FAM151A: variants seen among roughly 807,000 people sequenced by gnomAD.
The protein encoded by FAM151A is family with sequence similarity 151 member A.
In FAM151A, 41 loss-of-function variants were observed where a neutral mutation model predicts 40.4. That is an observed-to-expected ratio of 1.01 (90% confidence interval 0.79 to 1.32). FAM151A has a LOEUF of 1.32. Among genes scored for constraint, FAM151A ranks in the 40% most tolerant of loss-of-function variants. The pLI is 0.00. For synonymous variants in FAM151A, 337 were observed against 312.5 expected (o/e 1.08, Z -0.83); for missense variants, 740 against 740.4 (o/e 1.00, Z 0.01).
chr1:54,609,720 G>T lies in FAM151A; in HGVS notation c.1306C>A (p.Leu436Ile). Residue 436 changes from leucine (L) to isoleucine (I), a missense_variant, in exon 8 of 8, where the codon CTC becomes ATC. Coordinates refer to ENST00000302250, the MANE Select transcript of FAM151A (RefSeq NM_176782.3). ...ALLARLSSLG[L>I]LHWPVWVGAK... Reference sequence around the variant, plus strand: ...CCAACCCACACAGGCCAATGCAAGAGGCCAAGGCTGGAGAGGCGTGCCAGC... The same window carrying T: ...CCAACCCACACAGGCCAATGCAAGATGCCAAGGCTGGAGAGGCGTGCCAGC... 1.9e-6 allele frequency: 3 copies of T among 1,614,142 alleles called. No individual in the cohort carries two copies. Among genetic ancestry groups the T allele is most frequent in the Non-Finnish European group, 2.5e-6 (3 of 1,180,016 alleles).
rs1644117307 is a variant in FAM151A, at chr1:54,611,458, G to A, written c.940+148C>T. 7 of 701,318 alleles carry A rather than the reference G, an allele frequency of 1.0e-5. No individual in the cohort carries two copies. In the Admixed American group the frequency reaches 1.7e-4, roughly 17 times the overall value. 43.4% of individuals were successfully genotyped at this position (701,318 alleles called of 1,614,324 possible). A position where few individuals can be genotyped will look rare whatever the true frequency, so the allele number is the denominator to read the frequency against. Reference sequence around the variant, plus strand: ...TTGAAGCTTAGCATACCATCCCAGGGCCTGGCACACAAAATGCAGCCGCCT... The same window carrying A: ...TTGAAGCTTAGCATACCATCCCAGGACCTGGCACACAAAATGCAGCCGCCT... On this transcript the variant is annotated intron_variant, in intron 6 of 7. Transcript: ENST00000302250.
intron 6 of FAM151A, 124 bp from the exon 7 acceptor site, chr1:54,610,679 A>G: frequency 1.4e-6 from 2 of 1,437,972 alleles, no homozygotes; most frequent in Non-Finnish European, 1.8e-6. Flanking sequence ...CACCCTGCCA[A>G]GTAGCTCTCA....
intron 1 of FAM151A, among the ~76,000 whole-genome samples, chr1:54,622,302 C>T (rs1479963627): frequency 1.4e-5 from 2 of 142,006 alleles, no homozygotes; most frequent in Non-Finnish European, 3.0e-5. Flanking sequence ...AAAAAAAGGC[C>T]AGGTATGGTG....
Position 54,609,745 on chromosome 1 carries a change from C to G in FAM151A, c.1281G>C (p.Leu427Phe), listed in dbSNP as rs755430680. 1.2e-6 allele frequency: 2 copies of G among 1,614,202 alleles called. No individual in the cohort carries two copies. The highest frequency in any genetic ancestry group is 2.2e-5 in the South Asian group (2 of 91,092). ...GGCCAAGGCTGGAGAGGCGTGCCAG[C>G]AAGGCCAGGGATGGCCGGAGGGCTG... Reference protein sequence around the residue: ...EPAALRPSLALLARLSSLGLL... With the variant: ...EPAALRPSLAFLARLSSLGLL... The change falls in exon 8 of 8, where the codon TTG becomes TTC. Residue 427 changes from leucine to phenylalanine, a missense_variant. By Grantham distance (22) the Leu-to-Phe change is conservative. Coordinates refer to ENST00000302250, the MANE Select transcript of FAM151A (RefSeq NM_176782.3).
intron 6 of FAM151A, 76 bp downstream of exon 6, chr1:54,611,530 C>T: frequency 6.6e-7 from 1 of 1,510,812 alleles, no homozygotes; most frequent in Non-Finnish European, 9.1e-7. Context: ...TTCCACCCAG[C>T]TCTGCTCCAG....
At position 54,618,058 on chromosome 1, in the gene FAM151A, G is replaced by T. The variant is rs551527653; in HGVS notation, c.262+1806C>A. Among the ~76,000 whole-genome samples, 213 of 151,674 alleles carry T rather than the reference G, an allele frequency of 1.4e-3. 2 individuals are homozygous for T. The highest frequency in any genetic ancestry group is 4.9e-3 in the African/African-American group (204 of 41,378). ...TCTGCATTTTTAACACACTCCCCAG[G>T]GATGCGCCTGCTGCTGGTCCATGGG... On this transcript the variant is annotated intron_variant, in intron 2 of 7. Transcript: ENST00000302250.
In FAM151A at chr1:54,623,292, G is replaced by T; in HGVS notation, c.104C>A (p.Thr35Asn). The change falls in exon 1 of 8, where the codon ACC becomes AAC. Residue 35 changes from threonine (T) to asparagine (N), a missense_variant. Physicochemically the swap from Thr to Asn is moderately conservative, Grantham distance 65. Transcript: ENST00000302250. ...VVIAAIVLAITLRRPGCELEA... is the reference protein window; with the variant it reads ...VVIAAIVLAINLRRPGCELEA... Reference sequence around the variant, plus strand: ...GAGGCACCTACCTGGCCGCCGCAGGGTGATGGCAAGGACTATTGCGGCAAT... The same window carrying T: ...GAGGCACCTACCTGGCCGCCGCAGGTTGATGGCAAGGACTATTGCGGCAAT... The T allele has an allele frequency of 1.2e-6, 2 of 1,613,866 alleles. No individual in the cohort carries two copies. The highest frequency in any genetic ancestry group is 1.7e-6 in the Non-Finnish European group (2 of 1,179,830).
rs779696331 is a variant in FAM151A at position 54,612,641 on chromosome 1, C to T, written c.645G>A (p.Met215Ile). 9 of 1,613,956 alleles carry T rather than the reference C, an allele frequency of 5.6e-6. No homozygotes were observed. Among genetic ancestry groups the T allele is most frequent in the African/African-American group, 1.3e-5 (1 of 74,912 alleles). ...TLSPGWTTFY[M>I]STSPNRTYTQ... ...TGTACGTCCTGTTTGGGGACGTGGA[C>T]ATGTAGAAGGTGGTCCAGCCTGGAG... The change falls in exon 5 of 8, where the codon ATG becomes ATA. Residue 215 changes from methionine to isoleucine, a missense_variant. Met to Ile is a conservative substitution (Grantham distance 10). Transcript: ENST00000302250.
At position 54,610,514 on chromosome 1, in the gene FAM151A, G is replaced by A; in HGVS notation, c.982C>T (p.Leu328=). Residue 328 remains leucine, a synonymous_variant, in exon 7 of 8, where the codon CTG becomes TTG. Transcript: ENST00000302250. ...RKPMYYTGGS[L]IPLLQLPGDD... The stretch of plus-strand genomic sequence containing the variant: ...CCAGGCAGCTGGAGAAGAGGGATCA[G>A]GCTGCCTCCCGTGTAGTACATTGGT... 4 of 1,613,568 alleles carry A rather than the reference G, an allele frequency of 2.5e-6. No individual in the cohort carries two copies. The highest frequency in any genetic ancestry group is 3.4e-6 in the Non-Finnish European group (4 of 1,179,702).
chr1:54,614,646 A>G (rs1644152165), intron 4 of FAM151A, 54 bp downstream of exon 4: 17 of 1,543,576 alleles, frequency 1.1e-5, no homozygotes, highest in Middle Eastern at 2.2e-4. Flanking sequence ...ATCCTGTGGT[A>G]GGTGTTGACA....
chr1:54,613,217 T>C (rs907396051), intron 4 of FAM151A, among the ~76,000 whole-genome samples: 2 of 151,848 alleles, frequency 1.3e-5, no homozygotes. Flanking sequence ...CTGTCTCTAC[T>C]AAAAATACAA....
rs1339816295 is a variant in FAM151A at position 54,609,624 on chromosome 1, C to G, written c.1402G>C (p.Ala468Pro). Residue 468 changes from alanine (A) to proline (P), a missense_variant, in exon 8 of 8, where the codon GCT becomes CCT. Ala to Pro is a conservative substitution (Grantham distance 27). Coordinates refer to ENST00000302250, the MANE Select transcript of FAM151A (RefSeq NM_176782.3). ...ACAGTCACGTGGGGGAAGACCTCAG[C>G]CACAGCTGTAAGCAGCTCTCTGCCA... ...VAGRELLTAV[A>P]EVFPHVTVAP... The G allele has an allele frequency of 2.5e-6, 4 of 1,613,594 alleles. No individual in the cohort carries two copies. Among genetic ancestry groups the G allele is most frequent in the Non-Finnish European group, 2.5e-6 (3 of 1,180,030 alleles).
rs2101016120 is a variant in FAM151A, at chr1:54,612,534, A to T, written c.752T>A (p.Val251Glu). The change falls in exon 5 of 8, where the codon GTG becomes GAG. Residue 251 changes from valine (V) to glutamate (E), a missense_variant. Val to Glu is a moderately radical substitution (Grantham distance 121). Coordinates refer to ENST00000302250, the MANE Select transcript of FAM151A (RefSeq NM_176782.3). Reference sequence around the variant, plus strand: ...GCTGAAGTGGGGCCAGGCAGCCCGCACCATGGAAGACCGTACAGGGAAGGT... The same window carrying T: ...GCTGAAGTGGGGCCAGGCAGCCCGCTCCATGGAAGACCGTACAGGGAAGGT... ...RVTFPVRSSM[V>E]RAAWPHFSWL... is the part of the protein sequence containing the mutation. 10 of 1,613,964 alleles carry T rather than the reference A, an allele frequency of 6.2e-6. No homozygotes were observed. The highest frequency in any genetic ancestry group is 8.5e-6 in the Non-Finnish European group (10 of 1,180,000).
chr1:54,609,738 G>C lies in FAM151A; in HGVS notation c.1288C>G (p.Arg430Gly), dbSNP rs766306986. 6.2e-7 allele frequency: 1 copy of C among 1,614,058 alleles called. No individual in the cohort carries two copies. The highest frequency in any genetic ancestry group is 1.3e-5 in the African/African-American group (1 of 74,958). Residue 430 changes from arginine to glycine, a missense_variant, in exon 8 of 8, where the codon CGC becomes GGC. Physicochemically the swap from Arg to Gly is moderately radical, Grantham distance 125. Coordinates refer to ENST00000302250, the MANE Select transcript of FAM151A (RefSeq NM_176782.3). ...TGCAAGAGGCCAAGGCTGGAGAGGC[G>C]TGCCAGCAAGGCCAGGGATGGCCGG... Reference protein sequence around the residue: ...ALRPSLALLARLSSLGLLHWP... With the variant: ...ALRPSLALLAGLSSLGLLHWP...
At chr1:54,620,530 A>C (rs1397125706) in intron 1 of FAM151A, among the ~76,000 whole-genome samples, 2 of 151,906 alleles carry the variant, frequency 1.3e-5, no homozygotes, top group Non-Finnish European at 2.9e-5. Flanking sequence ...ACATGGTGAA[A>C]CCATGTCTCT....
At chr1:54,623,254 G>C in intron 1 of FAM151A, 24 bp downstream of exon 1, 1 of 1,547,886 alleles carries the variant, frequency 6.5e-7, no homozygotes, top group Non-Finnish European at 8.9e-7. Flanking sequence ...AGCCACTCAG[G>C]ATGACATGGG....
intron 2 of FAM151A, 54 bp downstream of exon 2, chr1:54,619,810 C>T: frequency 6.3e-7 from 1 of 1,581,596 alleles, no homozygotes; most frequent in Non-Finnish European, 8.6e-7. Flanking sequence ...TTCTCTCCCT[C>T]TGTCTTCTCT....
At chr1:54,612,457 AGGGTGG>A in intron 5 of FAM151A, 23 bp downstream of exon 5, 1 of 1,448,882 alleles carries the variant, frequency 6.9e-7, no homozygotes, top group Non-Finnish European at 9.5e-7. Flanking sequence ...TGCCTCCAGG[AGGGTGG>A]GGGTGGGTTT....
At chr1:54,618,190 C>T (rs1408790949) in intron 2 of FAM151A, among the ~76,000 whole-genome samples, 1 of 152,120 alleles carries the variant, frequency 6.6e-6, no homozygotes, top group Non-Finnish European at 1.5e-5. Flanking sequence ...CCTGCTCATC[C>T]TTTAGTGTTG....
Sources: allele counts gnomAD v4.1 joint callset (sites outside exome capture counted in the v4.1 genomes callset), GRCh38; gene constraint gnomAD v4.1.1; transcripts MANE v1.5; gene names NCBI Gene and HGNC (gene_info 2026-07-23, HGNC 2026-07-21).